LCLAT1: variants seen among roughly 807,000 people sequenced by gnomAD.
The protein encoded by LCLAT1 is lysocardiolipin acyltransferase 1.
In LCLAT1, 11 loss-of-function variants were observed where a neutral mutation model predicts 30.7. That is an observed-to-expected ratio of 0.36 (90% CI 0.23 to 0.59). The LOEUF (loss-of-function observed/expected upper bound fraction) is 0.59. Among genes scored for constraint, LCLAT1 ranks in the 20% least tolerant of loss-of-function variants. The probability of loss-of-function intolerance (pLI) is 0.77; values close to 1 mark genes in which losing one functional copy is unlikely to be tolerated. For missense variants in LCLAT1, 402 were observed against 458.6 expected (o/e 0.88, Z 1.13); for synonymous variants, 155 against 151.3 (o/e 1.02, Z -0.18).
intron 1 of LCLAT1, among the ~76,000 whole-genome samples, chr2:30,508,216 T>C (rs1684768634): frequency 6.6e-6 from 1 of 152,212 alleles, no homozygotes; most frequent in African/African-American, 2.4e-5. Flanking sequence ...AAAAATTTTT[T>C]CCCTTTCCGT....
intron 5 of LCLAT1, among the ~76,000 whole-genome samples, chr2:30,599,279 G>A (rs1200112146): frequency 6.6e-6 from 1 of 152,122 alleles, no homozygotes. Context: ...ACTGCACCCG[G>A]CCTTTGAGTT....
intron 1 of LCLAT1, among the ~76,000 whole-genome samples, chr2:30,510,832 A>C (rs906621438): frequency 1.3e-5 from 2 of 151,772 alleles, no homozygotes; most frequent in African/African-American, 4.8e-5. Context: ...GTCGTGTATA[A>C]TTTTTGCTAA....
intron 1 of LCLAT1, among the ~76,000 whole-genome samples, chr2:30,514,716 G>A (rs559503257): frequency 2.6e-4 from 40 of 152,200 alleles, no homozygotes; most frequent in Admixed American, 2.5e-3. Context: ...GTTGAGTGTT[G>A]GAGCTGCATC....
chr2:30,544,216 A>G (rs1194208099), intron 3 of LCLAT1, among the ~76,000 whole-genome samples: 1 of 152,100 alleles, frequency 6.6e-6, no homozygotes, highest in Non-Finnish European at 1.5e-5. Flanking sequence ...CTCCCTCTCT[A>G]GTACCTTCTG....
intron 5 of LCLAT1, among the ~76,000 whole-genome samples, chr2:30,574,593 A>T (rs1394233010): frequency 6.6e-6 from 1 of 152,238 alleles, no homozygotes; most frequent in Non-Finnish European, 1.5e-5. Flanking sequence ...GTCTCATAAA[A>T]GCTCAAAACA....
At chr2:30,476,681 T>C (rs1432739078) in intron 1 of LCLAT1, 3 of 324,626 alleles carry the variant, frequency 9.2e-6, no homozygotes, top group African/African-American at 4.3e-5. Flanking sequence ...GTAGTAGTAA[T>C]AGTGGAAATA....
intron 1 of LCLAT1, among the ~76,000 whole-genome samples, chr2:30,464,725 G>A (rs1021513848): frequency 1.3e-5 from 2 of 152,138 alleles, no homozygotes; most frequent in Non-Finnish European, 2.9e-5. Flanking sequence ...TGAAATTCCC[G>A]AGTTAATTTC....
intron 1 of LCLAT1, among the ~76,000 whole-genome samples, chr2:30,517,457 C>G (rs950380262): frequency 3.9e-5 from 6 of 152,180 alleles, no homozygotes; most frequent in African/African-American, 1.2e-4. Flanking sequence ...CTCTCCTCCC[C>G]CAATTTCTAC....
intron 5 of LCLAT1, among the ~76,000 whole-genome samples, chr2:30,578,646 G>C (rs975171678): frequency 2.0e-5 from 3 of 152,056 alleles, no homozygotes; most frequent in Non-Finnish European, 4.4e-5. Context: ...ACCTCTCAAA[G>C]CTAAAAAACA....
At chr2:30,566,363 C>G (rs4952150) in intron 4 of LCLAT1, among the ~76,000 whole-genome samples, 2 of 151,962 alleles carry the variant, frequency 1.3e-5, no homozygotes, top group Admixed American at 1.3e-4. Context: ...AAGGTCCTGT[C>G]AGCTGTCTAT....
intron 1 of LCLAT1, among the ~76,000 whole-genome samples, chr2:30,496,498 A>T (rs1002968025): frequency 6.6e-6 from 1 of 152,190 alleles, no homozygotes; most frequent in African/African-American, 2.4e-5. Flanking sequence ...GTAGGCTCAG[A>T]GATATCTCCA....
intron 1 of LCLAT1, among the ~76,000 whole-genome samples, chr2:30,468,777 GC>G (rs1682613113): frequency 1.3e-5 from 2 of 152,142 alleles, no homozygotes; most frequent in Non-Finnish European, 2.9e-5. Context: ...ATGAAATTAT[GC>G]AATACGTGAC....
intron 1 of LCLAT1, among the ~76,000 whole-genome samples, chr2:30,525,277 A>G (rs866066713): frequency 6.6e-6 from 1 of 152,080 alleles, no homozygotes; most frequent in African/African-American, 2.4e-5. Context: ...GGGTTTCACC[A>G]TGTTGGCCAG....
chr2:30,524,639 G>C (rs576618847), intron 1 of LCLAT1, among the ~76,000 whole-genome samples: 10 of 152,184 alleles, frequency 6.6e-5, no homozygotes, highest in Non-Finnish European at 1.2e-4. Flanking sequence ...CCAGTGCATT[G>C]ATACAATATA....
chr2:30,591,216 A>C (rs1402700479), intron 5 of LCLAT1, among the ~76,000 whole-genome samples: 16 of 152,210 alleles, frequency 1.1e-4, no homozygotes. Context: ...TTACTTTCCA[A>C]ACTAGAGTAT....
rs1663863361 is a variant in LCLAT1, at chr2:30,537,771, G to T, written c.364+4457G>T. On this transcript the variant is annotated intron_variant, in intron 3 of 5. Coordinates refer to ENST00000379509, the MANE Select transcript of LCLAT1 (RefSeq NM_001002257.3). Reference sequence around the variant, plus strand: ...ATTTAAATAATATTTAACAGCCACAGAATATACATTATTTTCATCAATTCG... The same window carrying T: ...ATTTAAATAATATTTAACAGCCACATAATATACATTATTTTCATCAATTCG... 2.0e-5 allele frequency among the ~76,000 whole-genome samples: 3 copies of T among 152,304 alleles called. 1 individual carries two copies. The South Asian group carries it at 6.2e-4, about 32-fold the overall frequency.
In LCLAT1 at chr2:30,462,298, A is replaced by G. The variant is rs1355442498; in HGVS notation, c.-5+14915A>G. 3.9e-5 allele frequency among the ~76,000 whole-genome samples: 6 copies of G among 152,288 alleles called. No homozygotes were observed. In the East Asian group the frequency reaches 1.2e-3, roughly 29 times the overall value. On this transcript the variant is annotated intron_variant, in intron 1 of 5. Coordinates refer to ENST00000379509, the MANE Select transcript of LCLAT1 (RefSeq NM_001002257.3). ...GTATCTCCAGTAAGTTGCACTGGAG[A>G]TGAAAGTGTATAATTGGAAAGTTAG... is the stretch of plus-strand genomic sequence containing the variant.
chr2:30,525,744 A>ACCCTACCT lies in LCLAT1; in HGVS notation c.155_162dup (p.Val55ProfsTer13). ...CAACCGCCTTGTGGCAACATGGCTC[A>ACCCTACCT]CCCTACCTGTGGTAAGTTACACACC... On this transcript the variant is annotated frameshift_variant, in exon 2 of 6. Transcript: ENST00000379509. LOFTEE classifies it high-confidence loss of function. 1 of 1,614,034 alleles carries ACCCTACCT rather than the reference A, an allele frequency of 6.2e-7. No homozygotes were observed. Among genetic ancestry groups the ACCCTACCT allele is most frequent in the South Asian group, 1.1e-5 (1 of 91,064 alleles).
intron 1 of LCLAT1, among the ~76,000 whole-genome samples, chr2:30,470,281 A>T (rs558111871): frequency 1.2e-4 from 18 of 152,320 alleles, no homozygotes; most frequent in African/African-American, 3.8e-4. Flanking sequence ...TCTTATGACC[A>T]CTGGCTAGTG....
Sources: allele counts gnomAD v4.1 joint callset (sites outside exome capture counted in the v4.1 genomes callset), GRCh38; gene constraint gnomAD v4.1.1; transcripts MANE v1.5; gene names NCBI Gene and HGNC (gene_info 2026-07-23, HGNC 2026-07-21).